The following TTLL12 variants were observed in gnomAD, a reference collection of about 807,000 sequenced individuals.
The protein encoded by TTLL12 is tubulin tyrosine ligase like 12.
In TTLL12, 77 loss-of-function variants were observed where a neutral mutation model predicts 79.6. That is an observed-to-expected ratio of 0.97 (90% CI 0.81 to 1.17). TTLL12 has a LOEUF of 1.17. Among genes scored for constraint, TTLL12 ranks in the 50% most tolerant of loss-of-function variants. TTLL12 has a pLI of 0.00. For missense variants in TTLL12, 969 were observed against 895.9 expected, an observed-to-expected ratio of 1.08 and a Z score of -1.04; for synonymous variants, 437 against 376.1, an observed-to-expected ratio of 1.16 and a Z score of -1.87.
At chr22:43,176,289 C>T (rs764881511) in intron 6 of TTLL12, 31 bp downstream of exon 6, 1 of 1,529,766 alleles carries the variant, frequency 6.5e-7, no homozygotes, top group South Asian at 1.2e-5. Context: ...CGGACAAGTC[C>T]CAGCCCAAGC....
chr22:43,181,948 G>C lies in TTLL12; in HGVS notation c.348-1008C>G, dbSNP rs549261337. The stretch of plus-strand genomic sequence containing the variant: ...GTTGTACAAAGATAGCTATGGGGAT[G>C]AGGATGGAGAGCTTGTTAGGGCCTG... On this transcript the variant is annotated intron_variant, in intron 2 of 13. Transcript: ENST00000216129. Among the ~76,000 whole-genome samples, 8 of 145,330 alleles carry C rather than the reference G, an allele frequency of 5.5e-5. No individual in the cohort carries two copies. In the East Asian group the frequency reaches 1.5e-3, roughly 28 times the overall value.
At chr22:43,181,919 G>A (rs1224795929) in intron 2 of TTLL12, among the ~76,000 whole-genome samples, 5 of 152,206 alleles carry the variant, frequency 3.3e-5, no homozygotes, top group Admixed American at 3.3e-4. Flanking sequence ...GTGCAACAAG[G>A]GGTGTTGTAC....
rs370792152 is a variant in TTLL12, at chr22:43,168,108, C to T, written c.1835G>A (p.Cys612Tyr). The T allele has an allele frequency of 1.1e-5, 18 of 1,614,062 alleles. No homozygotes were observed. The highest frequency in any genetic ancestry group is 4.0e-5 in the African/African-American group (3 of 74,936). The change falls in exon 14 of 14, where the codon TGT (cysteine) becomes TAT (tyrosine). Residue 612 changes from cysteine to tyrosine, a missense_variant. Transcript: ENST00000216129. ...GGGGTGGTACCTGCAGGCTCGCTCA[C>T]AGTCGGGGTTGAAGTTCACCTCCAG... ...QILEVNFNPD[C>Y]ERACRYHPTF...
chr22:43,167,568 C>T lies in TTLL12; in HGVS notation c.*440G>A, dbSNP rs942629341. ...GACCCCGGAAGAGAAACCCGCCTGC[C>T]CCGTGTGATACAGGGCTCCCAAACG... On this transcript the variant is annotated 3_prime_UTR_variant, in exon 14 of 14. Transcript: ENST00000216129. 5.3e-6 allele frequency: 1 copy of T among 187,232 alleles called. No individual in the cohort carries two copies. The highest frequency in any genetic ancestry group is 1.1e-5 in the Non-Finnish European group (1 of 88,824). 11.6% of individuals were successfully genotyped at this position (187,232 alleles called of 1,614,324 possible).
At position 43,173,755 on chromosome 22, in the gene TTLL12, C is replaced by T. The variant is rs149781023; in HGVS notation, c.1301G>A (p.Ser434Asn). Reference protein sequence around the residue: ...ARSLDTHVTKSLHSIIRHRES... With the variant: ...ARSLDTHVTKNLHSIIRHRES... ...TCGGTGCCGGATGATGCTGTGCAGG[C>T]TCTTGGTGACGTGGGTGTCCAGGCT... The change falls in exon 9 of 14, where the codon AGC (serine) becomes AAC (asparagine). Residue 434 changes from serine to asparagine, a missense_variant. Physicochemically the swap from Ser to Asn is conservative, Grantham distance 46. Transcript: ENST00000216129. The T allele has an allele frequency of 1.9e-5, 30 of 1,604,386 alleles. No homozygotes were observed. Among genetic ancestry groups the T allele is most frequent in the Middle Eastern group, 1.7e-4 (1 of 5,868 alleles).
intron 2 of TTLL12, among the ~76,000 whole-genome samples, chr22:43,182,234 T>C (rs148458693): frequency 6.6e-6 from 1 of 152,330 alleles, no homozygotes; most frequent in Non-Finnish European, 1.5e-5. Flanking sequence ...ACAGGAGAAC[T>C]CACTTCACTG....
At chr22:43,180,422 G>A (rs1219261384) in intron 3 of TTLL12, among the ~76,000 whole-genome samples, 4 of 152,174 alleles carry the variant, frequency 2.6e-5, no homozygotes, top group Non-Finnish European at 5.9e-5. Flanking sequence ...TGGAGCATGG[G>A]GTGAGTCCCC....
rs1393659464 is a variant in TTLL12 at position 43,173,703 on chromosome 22, T to C, written c.1341+12A>G. ...GCCCTGAGCCCTGGGGCTCCTGGTC[T>C]GCGGGGCCCACCTTGGGGGTGCTCT... On this transcript the variant is annotated intron_variant, in intron 9 of 13. Coordinates refer to ENST00000216129, the MANE Select transcript of TTLL12 (RefSeq NM_015140.4). 1 of 1,598,734 alleles carries C rather than the reference T, an allele frequency of 6.3e-7. No individual in the cohort carries two copies. Among genetic ancestry groups the C allele is most frequent in the Non-Finnish European group, 8.5e-7 (1 of 1,179,100 alleles).
At chr22:43,177,732 C>T (rs1168028314) in intron 5 of TTLL12, among the ~76,000 whole-genome samples, 1 of 152,248 alleles carries the variant, frequency 6.6e-6, no homozygotes, top group Non-Finnish European at 1.5e-5. Context: ...CACAGCCCGA[C>T]GGGCGGCCTG....
chr22:43,182,908 G>T (rs1476915378), intron 2 of TTLL12, 72 bp downstream of exon 2: 3 of 1,550,478 alleles, frequency 1.9e-6, no homozygotes, highest in Non-Finnish European at 2.6e-6. Flanking sequence ...GGGCCCAGGA[G>T]AATCTGCATT....
At chr22:43,173,036 T>C (rs1395500435) in intron 9 of TTLL12, among the ~76,000 whole-genome samples, 1 of 152,188 alleles carries the variant, frequency 6.6e-6, no homozygotes, top group Non-Finnish European at 1.5e-5. Context: ...AAATGAAATA[T>C]AAATTCTCAC....
At chr22:43,186,420 G>C (rs1932187561) in intron 1 of TTLL12, among the ~76,000 whole-genome samples, 1 of 152,204 alleles carries the variant, frequency 6.6e-6, no homozygotes, top group Non-Finnish European at 1.5e-5. Context: ...TCTTTAACCT[G>C]CAAGATGAGG....
At chr22:43,171,427 G>A (rs935862179) in intron 11 of TTLL12, among the ~76,000 whole-genome samples, 2 of 152,232 alleles carry the variant, frequency 1.3e-5, no homozygotes, top group Admixed American at 1.3e-4. Context: ...CGGGCCAGCA[G>A]CCAGCCGGAC....
In TTLL12 at chr22:43,180,007, A is replaced by G. The variant is rs1932015080; in HGVS notation, c.547-7T>C. 1 of 1,585,762 alleles carries G rather than the reference A, an allele frequency of 6.3e-7. No homozygotes were observed. Among genetic ancestry groups the G allele is most frequent in the South Asian group, 1.1e-5 (1 of 88,826 alleles). On this transcript the variant is annotated splice_polypyrimidine_tract_variant and splice_region_variant and intron_variant, in intron 3 of 13. Coordinates refer to ENST00000216129, the MANE Select transcript of TTLL12 (RefSeq NM_015140.4). ...GCATCTTCTCCTCAGCTGTCTGCAG[A>G]CAGAGCACATATGGCACCTCTCGCT... is the stretch of plus-strand genomic sequence containing the variant.
intron 2 of TTLL12, among the ~76,000 whole-genome samples, chr22:43,182,037 C>T (rs951864603): frequency 6.6e-5 from 10 of 152,048 alleles, no homozygotes; most frequent in Non-Finnish European, 1.3e-4. Flanking sequence ...GCAGAAAGGC[C>T]CGGAAGCAGG....
At position 43,173,710 on chromosome 22, in the gene TTLL12, C is replaced by T; in HGVS notation, c.1341+5G>A. The T allele has an allele frequency of 2.5e-6, 4 of 1,600,176 alleles. No individual in the cohort carries two copies. Among genetic ancestry groups the T allele is most frequent in the Non-Finnish European group, 2.5e-6 (3 of 1,179,606 alleles). The stretch of plus-strand genomic sequence containing the variant: ...GCCCTGGGGCTCCTGGTCTGCGGGG[C>T]CCACCTTGGGGGTGCTCTCTCGGTG... On this transcript the variant is annotated splice_donor_5th_base_variant and intron_variant, in intron 9 of 13. Transcript: ENST00000216129.
chr22:43,181,484 G>C (rs1569486769), intron 2 of TTLL12, among the ~76,000 whole-genome samples: 1 of 152,172 alleles, frequency 6.6e-6, no homozygotes, highest in Non-Finnish European at 1.5e-5. Flanking sequence ...AGGTCTTCTG[G>C]AAGCACCAAG....
intron 5 of TTLL12, among the ~76,000 whole-genome samples, chr22:43,177,196 C>T (rs1413129503): frequency 6.6e-5 from 10 of 151,876 alleles, no homozygotes; most frequent in East Asian, 3.9e-4. Context: ...AGTGAGACCC[C>T]GTCTCTACAG....
chr22:43,185,305 G>GCC (rs1481198317), intron 1 of TTLL12, among the ~76,000 whole-genome samples: 13 of 125,486 alleles, frequency 1.0e-4, no homozygotes, highest in Non-Finnish European at 4.8e-5. Flanking sequence ...ATATATGTAT[G>GCC]TATCTTCAAG....
Sources: allele counts gnomAD v4.1 joint callset (sites outside exome capture counted in the v4.1 genomes callset), GRCh38; gene constraint gnomAD v4.1.1; transcripts MANE v1.5; gene names NCBI Gene and HGNC (gene_info 2026-07-23, HGNC 2026-07-21).